Variants in ZNF276 observed in about 807,000 individuals in gnomAD.
ZNF276 encodes the protein centromere protein Z.
ZNF276 carries 59 observed loss-of-function variants against 63.9 expected under a neutral mutation model. The ratio of observed to expected loss-of-function variants is 0.92; its 90% CI spans 0.75 to 1.15. ZNF276 has a LOEUF of 1.15. Among genes scored for constraint, ZNF276 ranks in the 50% most tolerant of loss-of-function variants. The probability of loss-of-function intolerance (pLI) is 0.00; values close to 1 mark genes in which losing one functional copy is unlikely to be tolerated. For synonymous variants in ZNF276, 496 were observed against 348.4 expected, an observed-to-expected ratio of 1.42 and a Z score of -4.72; for missense variants, 1,084 against 843.8, an observed-to-expected ratio of 1.28 and a Z score of -3.53.
Position 89,738,320 on chromosome 16 carries a change from C to A in ZNF276, c.*74C>A. On this transcript the variant is annotated 3_prime_UTR_variant, in exon 11 of 11. Transcript: ENST00000443381. Reference sequence around the variant, plus strand: ...CTGTGTCAGCCTCACCCTTCGTGTGCACCCGCATGGGAGGGTCGGAGGGTG... The same window carrying A: ...CTGTGTCAGCCTCACCCTTCGTGTGAACCCGCATGGGAGGGTCGGAGGGTG... The A allele has an allele frequency of 6.6e-7, 1 of 1,516,814 alleles. No homozygotes were observed. The allele number at this position is 1,516,814 out of a possible 1,614,324, so 94.0% of individuals were successfully genotyped here. A position where few individuals can be genotyped will look rare whatever the true frequency, so the allele number is the denominator to read the frequency against.
Position 89,722,607 on chromosome 16 carries a change from C to T in ZNF276, c.282C>T (p.Ile94=), listed in dbSNP as rs147776546. The change falls in exon 2 of 11, where the codon ATC becomes ATT. Residue 94 remains isoleucine (I), a synonymous_variant. Coordinates refer to ENST00000443381, the MANE Select transcript of ZNF276 (RefSeq NM_001113525.2). ...TTTCCTCGAGAAGCCTGCGCAGCAT[C>T]TCCGAGAGGGCGCCTGGAGCGAGCA... The part of the protein sequence containing the change: ...GKFSSRSLRS[I]SERAPGASME... 11 of 1,612,064 alleles carry T rather than the reference C, an allele frequency of 6.8e-6. No individual in the cohort carries two copies. The African/African-American group carries it at 9.3e-5, about 14-fold the overall frequency.
At position 89,738,775 on chromosome 16, in the gene ZNF276, C is replaced by G. The variant is rs773463465; in HGVS notation, c.*529C>G. ...GGCCTCAGACCACAGGGGAGGGGCT[C>G]TGGCAGAAATAGTCGAGTTGTATTG... On this transcript the variant is annotated 3_prime_UTR_variant, in exon 11 of 11. Coordinates refer to ENST00000443381, the MANE Select transcript of ZNF276 (RefSeq NM_001113525.2). 1 of 1,612,446 alleles carries G rather than the reference C, an allele frequency of 6.2e-7. No individual in the cohort carries two copies. The highest frequency in any genetic ancestry group is 2.2e-5 in the East Asian group (1 of 44,696).
chr16:89,723,099 C>G (rs766001877), intron 2 of ZNF276, 38 bp from the exon 3 acceptor site: 2 of 1,612,972 alleles, frequency 1.2e-6, no homozygotes, highest in Non-Finnish European at 1.7e-6. Context: ...GAACCTCCGC[C>G]TGCTTGTCCT....
rs374793201 is a variant in ZNF276 at position 89,738,876 on chromosome 16, C to A, written c.*630C>A. On this transcript the variant is annotated 3_prime_UTR_variant, in exon 11 of 11. Coordinates refer to ENST00000443381, the MANE Select transcript of ZNF276 (RefSeq NM_001113525.2). ...ACATGGCCCAAGGTGGGCATCTTGA[C>A]GTTACCTCTGCCACGTGTGAGAAGC... is the stretch of plus-strand genomic sequence containing the variant. 1.3e-5 allele frequency: 21 copies of A among 1,614,126 alleles called. No individual in the cohort carries two copies. The highest frequency in any genetic ancestry group is 1.6e-4 in the Middle Eastern group (1 of 6,084).
intron 6 of ZNF276, 102 bp from the exon 7 acceptor site, chr16:89,733,200 C>G (rs2061732827): frequency 2.7e-6 from 3 of 1,119,652 alleles, no homozygotes; most frequent in Non-Finnish European, 3.9e-6. Flanking sequence ...AGAAGCAACT[C>G]AGGGAAGCTT....
chr16:89,736,960 GAA>G (rs1318520061), intron 9 of ZNF276, among the ~76,000 whole-genome samples: 3 of 152,170 alleles, frequency 2.0e-5, no homozygotes, highest in Non-Finnish European at 4.4e-5. Context: ...CCTTCGAAGA[GAA>G]AAGTCTGTCT....
intron 8 of ZNF276, 143 bp downstream of exon 8, chr16:89,733,700 C>T (rs2061751554): frequency 3.0e-6 from 3 of 996,108 alleles, no homozygotes; most frequent in Admixed American, 2.2e-5. Flanking sequence ...GCAGTCCTAG[C>T]CAGTGCCATC....
At chr16:89,736,794 C>A (rs1435225564) in intron 9 of ZNF276, among the ~76,000 whole-genome samples, 5 of 24,322 alleles carry the variant, frequency 2.1e-4, no homozygotes, top group Non-Finnish European at 3.0e-4. Context: ...GACCCTGTCT[C>A]CAAAAAAAAA....
chr16:89,734,427 T>G (rs2061781020), intron 9 of ZNF276, among the ~76,000 whole-genome samples: 1 of 152,094 alleles, frequency 6.6e-6, no homozygotes. Flanking sequence ...CCAGGTTCAA[T>G]CAATTCTCCC....
At position 89,722,545 on chromosome 16, in the gene ZNF276, C is replaced by T. The variant is rs374848229; in HGVS notation, c.220C>T (p.Leu74Phe). 18 of 1,611,518 alleles carry T rather than the reference C, an allele frequency of 1.1e-5. No homozygotes were observed. Among genetic ancestry groups the T allele is most frequent in the African/African-American group, 6.7e-5 (5 of 74,926 alleles). Residue 74 changes from leucine to phenylalanine, a missense_variant, in exon 2 of 11, where the codon CTC becomes TTC. By Grantham distance (22) the Leu-to-Phe change is conservative. Coordinates refer to ENST00000443381, the MANE Select transcript of ZNF276 (RefSeq NM_001113525.2). The part of the protein sequence containing the change: ...GADEAGAGRA[L>F]AMGHCRLCHG... ...GCTCTGTGCAGGAGCAGGCCGGGCTCTCGCCATGGGTCACTGTCGCCTCTG... is the reference window on the plus strand; with the variant it reads ...GCTCTGTGCAGGAGCAGGCCGGGCTTTCGCCATGGGTCACTGTCGCCTCTG...
chr16:89,737,584 C>T, intron 9 of ZNF276: 3 of 768,870 alleles, frequency 3.9e-6, no homozygotes, highest in Admixed American at 3.3e-5. Flanking sequence ...CTTTAAAAAC[C>T]ATCCTGAAAT....
At chr16:89,727,993 C>T (rs1460242327) in intron 5 of ZNF276, among the ~76,000 whole-genome samples, 2 of 152,166 alleles carry the variant, frequency 1.3e-5, no homozygotes, top group African/African-American at 4.8e-5. Context: ...CTGGGGTTTG[C>T]ACCGTTTCCA....
At chr16:89,736,428 A>G (rs1287087676) in intron 9 of ZNF276, among the ~76,000 whole-genome samples, 1 of 144,688 alleles carries the variant, frequency 6.9e-6, no homozygotes, top group Non-Finnish European at 1.5e-5. Flanking sequence ...GGGTTCATGC[A>G]ATTCTGCTGC....
Position 89,739,253 on chromosome 16 carries a change from C to G in ZNF276, c.*1007C>G. The G allele has an allele frequency of 6.2e-7, 1 of 1,614,148 alleles. No individual in the cohort carries two copies. Among genetic ancestry groups the G allele is most frequent in the Non-Finnish European group, 8.5e-7 (1 of 1,180,038 alleles). The stretch of plus-strand genomic sequence containing the variant: ...CAGCAACATGCAGGAAGGCCTCTTC[C>G]CTGATGGCCGCGTCTTCATGGAAGT... On this transcript the variant is annotated 3_prime_UTR_variant, in exon 11 of 11. Transcript: ENST00000443381.
intron 5 of ZNF276, 100 bp from the exon 6 acceptor site, chr16:89,729,135 G>C: frequency 1.1e-6 from 1 of 931,280 alleles, no homozygotes; most frequent in Non-Finnish European, 1.7e-6. Flanking sequence ...CTCAAATGTG[G>C]GACATGGGGG....
Position 89,723,673 on chromosome 16 carries a change from C to T in ZNF276, c.970C>T (p.Pro324Ser), listed in dbSNP as rs1391718740. ...CGCGGTGGGGCCCAGGTCGGGCTTC[C>T]CACCTCAGCCAAGCCTGCCCCTTTG... ...SDAVGPRSGF[P>S]PQPSLPLCRA... The change falls in exon 4 of 11, where the codon CCA (proline) becomes TCA (serine). Residue 324 changes from proline to serine, a missense_variant. Coordinates refer to ENST00000443381, the MANE Select transcript of ZNF276 (RefSeq NM_001113525.2). The T allele has an allele frequency of 1.9e-6, 3 of 1,611,844 alleles. No homozygotes were observed. Among genetic ancestry groups the T allele is most frequent in the African/African-American group, 1.3e-5 (1 of 75,066 alleles).
At chr16:89,737,697 C>A (rs1264597634) in intron 9 of ZNF276, 109 bp from the exon 10 acceptor site, 3 of 1,574,744 alleles carry the variant, frequency 1.9e-6, no homozygotes, top group African/African-American at 2.7e-5. Flanking sequence ...GCATGGTGAA[C>A]CATGTGCAGA....
At chr16:89,726,402 G>C (rs1036433604) in intron 4 of ZNF276, among the ~76,000 whole-genome samples, 3 of 152,128 alleles carry the variant, frequency 2.0e-5, no homozygotes, top group Admixed American at 2.0e-4. Context: ...TCTCCATGTT[G>C]GTAAGGCTGG....
rs2061765748 is a variant in ZNF276, at chr16:89,734,029, A to G, written c.1465A>G (p.Ile489Val). The G allele has an allele frequency of 6.2e-7, 1 of 1,613,272 alleles. No homozygotes were observed. Among genetic ancestry groups the G allele is most frequent in the African/African-American group, 1.3e-5 (1 of 74,938 alleles). ...CTACCTGCAGCGCCACGTGAAGCTC[A>G]TCCACACAGGTACGCCTATCGCCAG... is the stretch of plus-strand genomic sequence containing the variant. ...DRYLQRHVKLIHTEVRNYICD... is the reference protein window; with the variant it reads ...DRYLQRHVKLVHTEVRNYICD... Residue 489 changes from isoleucine to valine, a missense_variant, in exon 9 of 11, where the codon ATC becomes GTC. By Grantham distance (29) the Ile-to-Val change is conservative (BLOSUM62 3). Transcript: ENST00000443381.
Sources: allele counts gnomAD v4.1 joint callset (sites outside exome capture counted in the v4.1 genomes callset), GRCh38; gene constraint gnomAD v4.1.1; transcripts MANE v1.5; gene names NCBI Gene and HGNC (gene_info 2026-07-23, HGNC 2026-07-21).